The following SCN3A variants were observed in gnomAD, a reference collection of about 807,000 sequenced individuals.
SCN3A encodes sodium channel protein type 3 subunit alpha.
In SCN3A, 60 loss-of-function variants were observed where a neutral mutation model predicts 187.6. That is an observed-to-expected ratio of 0.32 (90% CI 0.26 to 0.40). The LOEUF (loss-of-function observed/expected upper bound fraction) is 0.40, where lower values mean the gene tolerates loss of function less well. SCN3A is among the 10% of genes least tolerant of loss of function. The pLI, the probability that SCN3A is intolerant of heterozygous loss-of-function variation, is 1.00. For missense variants in SCN3A, 1,601 were observed against 2,428.2 expected (o/e 0.66, Z 7.16); for synonymous variants, 788 against 829.2 (o/e 0.95, Z 0.85).
At chr2:165,124,351 TAGG>T (rs1378932101) in intron 18 of SCN3A, among the ~76,000 whole-genome samples, 1 of 152,124 alleles carries the variant, frequency 6.6e-6, no homozygotes, top group Non-Finnish European at 1.5e-5. Context: ...AACTGTTCGG[TAGG>T]AGGAAATTAA....
At chr2:165,102,059 T>A (rs1035634304) in intron 21 of SCN3A, among the ~76,000 whole-genome samples, 1 of 152,226 alleles carries the variant, frequency 6.6e-6, no homozygotes, top group African/African-American at 2.4e-5. Flanking sequence ...ATGCTCCTTT[T>A]CCTCAGGAGG....
At chr2:165,116,600 T>C (rs1325307949) in intron 18 of SCN3A, among the ~76,000 whole-genome samples, 1 of 152,178 alleles carries the variant, frequency 6.6e-6, no homozygotes, top group East Asian at 1.9e-4. Flanking sequence ...TGCCAAAGCC[T>C]TCTGAAAGAG....
intron 22 of SCN3A, among the ~76,000 whole-genome samples, chr2:165,099,942 C>T (rs1418850440): frequency 6.6e-6 from 1 of 152,120 alleles, no homozygotes; most frequent in Non-Finnish European, 1.5e-5. Flanking sequence ...AGGAATCAAA[C>T]TATTGAGAGA....
In SCN3A at chr2:165,088,980, T is replaced by C. The variant is rs1684957024; in HGVS notation, c.*1170A>G. 1 of 152,550 alleles carries C rather than the reference T, an allele frequency of 6.6e-6. No individual in the cohort carries two copies. The highest frequency in any genetic ancestry group is 1.5e-5 in the Non-Finnish European group (1 of 67,970). The allele number at this position is 152,550 out of a possible 1,614,324, so 9.4% of individuals were successfully genotyped here. The stretch of plus-strand genomic sequence containing the variant: ...AATGGACAGAGCAGGTTGAATTCAT[T>C]CTATCACCAATATGTGACATTCTTT... On this transcript the variant is annotated 3_prime_UTR_variant, in exon 28 of 28. Transcript: ENST00000283254.
chr2:165,151,377 A>G (rs1688674411), intron 11 of SCN3A, among the ~76,000 whole-genome samples: 1 of 152,226 alleles, frequency 6.6e-6, no homozygotes, highest in Non-Finnish European at 1.5e-5. Context: ...TCTGAAAAAA[A>G]TCCTCAAAAA....
intron 22 of SCN3A, among the ~76,000 whole-genome samples, chr2:165,098,059 CAAT>C (rs1384094494): frequency 6.6e-6 from 1 of 152,092 alleles, no homozygotes; most frequent in Non-Finnish European, 1.5e-5. Context: ...TAGTAAATCT[CAAT>C]AAAAAGGTTT....
At chr2:165,134,468 C>T (rs1574179714) in intron 15 of SCN3A, among the ~76,000 whole-genome samples, 2 of 152,042 alleles carry the variant, frequency 1.3e-5, no homozygotes, top group South Asian at 2.1e-4. Context: ...TCCACCCTTA[C>T]GAATATATAA....
chr2:165,098,109 C>T (rs947632181), intron 22 of SCN3A, among the ~76,000 whole-genome samples: 4 of 152,088 alleles, frequency 2.6e-5, no homozygotes, highest in South Asian at 2.1e-4. Flanking sequence ...TATATCTGGT[C>T]GTAACAGTAC....
chr2:165,185,110 C>T (rs1691149149), intron 2 of SCN3A, among the ~76,000 whole-genome samples: 1 of 150,952 alleles, frequency 6.6e-6, no homozygotes, highest in Non-Finnish European at 1.5e-5. Flanking sequence ...TCTCTATCTT[C>T]AAGATAATTA....
At position 165,140,462 on chromosome 2, in the gene SCN3A, A is replaced by C. The variant is rs1687938349; in HGVS notation, c.2019+189T>G. On this transcript the variant is annotated intron_variant, in intron 13 of 27. Coordinates refer to ENST00000283254, the MANE Select transcript of SCN3A (RefSeq NM_006922.4). This position sits in a 1 kb window ranked among gnomAD's most constrained non-coding sequence, Gnocchi z 4.2. ...CCTTACAAGTAATTCCCATACAACA[A>C]AAGCTAATGGTCCCATACAATTCAA... Among the ~76,000 whole-genome samples, 2 of 152,118 alleles carry C rather than the reference A, an allele frequency of 1.3e-5. No individual in the cohort carries two copies. The highest frequency in any genetic ancestry group is 4.8e-5 in the African/African-American group (2 of 41,430).
intron 15 of SCN3A, among the ~76,000 whole-genome samples, chr2:165,132,522 C>A (rs1037219872): frequency 8.5e-5 from 13 of 152,134 alleles, no homozygotes; most frequent in Non-Finnish European, 1.9e-4. Context: ...GAAAAACAAG[C>A]AATGGGAAAA....
intron 21 of SCN3A, among the ~76,000 whole-genome samples, chr2:165,108,190 T>G (rs1685949956): frequency 1.3e-5 from 2 of 152,154 alleles, no homozygotes; most frequent in Non-Finnish European, 2.9e-5. Flanking sequence ...CAATAAGTGC[T>G]TACAAAGTAC....
chr2:165,129,143 C>A lies in SCN3A; in HGVS notation c.2922+797G>T, dbSNP rs1687167521. 1.3e-5 allele frequency among the ~76,000 whole-genome samples: 2 copies of A among 152,104 alleles called. 1 individual carries two copies. The highest frequency in any genetic ancestry group is 4.1e-4 in the South Asian group (2 of 4,828). On this transcript the variant is annotated intron_variant, in intron 17 of 27. Transcript: ENST00000283254. The stretch of plus-strand genomic sequence containing the variant: ...GGTATCCCAGTAGCATTCTTTTGAA[C>A]AAGTTTATCTGAAATGTATCCCTCA...
chr2:165,156,651 T>C (rs1236116759), intron 9 of SCN3A, among the ~76,000 whole-genome samples: 1 of 151,936 alleles, frequency 6.6e-6, no homozygotes, highest in Non-Finnish European at 1.5e-5. Flanking sequence ...ATAACAATTT[T>C]TTATTTACAG....
chr2:165,182,495 A>G (rs559863909), intron 2 of SCN3A, among the ~76,000 whole-genome samples: 1 of 152,338 alleles, frequency 6.6e-6, no homozygotes. Flanking sequence ...ATAGTAGGCC[A>G]TCAATAAGTT....
chr2:165,118,794 G>A (rs1329160398), intron 18 of SCN3A, among the ~76,000 whole-genome samples: 1 of 150,732 alleles, frequency 6.6e-6, no homozygotes, highest in Non-Finnish European at 1.5e-5. Flanking sequence ...ACGGAGTCTC[G>A]CTCTGTCACC....
intron 1 of SCN3A, among the ~76,000 whole-genome samples, chr2:165,197,657 CT>C: frequency 7.1e-6 from 1 of 141,842 alleles, no homozygotes; most frequent in African/African-American, 2.6e-5. Flanking sequence ...TCTCATTTTG[CT>C]TTTTTCTTTT....
In SCN3A at chr2:165,092,975, G is replaced by C. The variant is rs1213976302; in HGVS notation, c.4537-451C>G. 3.0e-5 allele frequency: 5 copies of C among 169,354 alleles called. No homozygotes were observed. Among genetic ancestry groups the C allele is most frequent in the African/African-American group, 1.2e-4 (5 of 41,506 alleles). The allele number at this position is 169,354 out of a possible 1,614,324, so 10.5% of individuals were successfully genotyped here. A position where few individuals can be genotyped will look rare whatever the true frequency, so the allele number is the denominator to read the frequency against. On this transcript the variant is annotated intron_variant, in intron 26 of 27. Transcript: ENST00000283254. The surrounding 1 kb of genome is among the most constrained non-coding windows in gnomAD (Gnocchi z 4.2). ...GGCTGAGGTGAATCACTTGACCCCA[G>C]GTGTTTGAACTTGCAGTGAGCTATG...
rs752341991 is a variant in SCN3A, at chr2:165,162,833, A to G, written c.695-5T>C. The G allele has an allele frequency of 1.2e-6, 2 of 1,614,040 alleles. No individual in the cohort carries two copies. The highest frequency in any genetic ancestry group is 1.7e-6 in the Non-Finnish European group (2 of 1,179,922). On this transcript the variant is annotated splice_polypyrimidine_tract_variant and splice_region_variant and intron_variant, in intron 7 of 27. Transcript: ENST00000283254. ...CCCCCACAATGGTCTTTAAACCTGC[A>G]GAGAGAGAACTATAGGTTACCTGAG...
Sources: allele counts gnomAD v4.1 joint callset (sites outside exome capture counted in the v4.1 genomes callset), GRCh38; gene constraint gnomAD v4.1.1; non-coding constraint Gnocchi (gnomAD v3.1); transcripts MANE v1.5; gene names NCBI Gene and HGNC (gene_info 2026-07-23, HGNC 2026-07-21).